The following MTMR10 variants were observed in gnomAD, a reference collection of about 807,000 sequenced individuals.
MTMR10 encodes the protein myotubularin related protein 10.
Under a neutral mutation model 88.1 loss-of-function variants are expected in MTMR10, and 56 were observed. That is an observed-to-expected ratio of 0.64 (90% CI 0.51 to 0.79). The LOEUF (loss-of-function observed/expected upper bound fraction) is 0.79. Ranked by LOEUF, MTMR10 falls within the 30% of genes least tolerant of loss-of-function variation. MTMR10 has a pLI of 0.00. For missense variants in MTMR10, 883 were observed against 924.7 expected (o/e 0.95, Z 0.58); for synonymous variants, 380 against 340.9 (o/e 1.11, Z -1.26).
At position 30,968,004 on chromosome 15, in the gene MTMR10, G is replaced by A; in HGVS notation, c.481C>T (p.Leu161Phe). 1.3e-6 allele frequency: 2 copies of A among 1,558,058 alleles called. No homozygotes were observed. Among genetic ancestry groups the A allele is most frequent in the Non-Finnish European group, 1.7e-6 (2 of 1,149,012 alleles). The change falls in exon 6 of 16, where the codon CTT becomes TTT. Residue 161 changes from leucine (L) to phenylalanine (F), a missense_variant. Around this residue, in one of 3 missense-constraint regions of MTMR10, gnomAD observed 414 missense variants for 423.2 expected, o/e 0.98. Coordinates refer to ENST00000435680, the MANE Select transcript of MTMR10 (RefSeq NM_017762.3). ...SGPESAKKVC[L>F]AIAHYSQPTD... ...GGCTGGGAATAATGAGCTATTGCAA[G>A]GCATACCTAGGAAAAATTCTACATT...
At chr15:30,927,815 G>C in the MTMR10 span, 13 of 985,776 alleles carry the variant, frequency 1.3e-5, no homozygotes, top group Non-Finnish European at 1.6e-5. Flanking sequence ...CAGGGACACA[G>C]GTCTGTGTGT....
chr15:30,983,300 AGAG>A (rs2030717649), intron 2 of MTMR10, among the ~76,000 whole-genome samples: 4 of 152,226 alleles, frequency 2.6e-5, no homozygotes, highest in Admixed American at 6.5e-5. Context: ...CTTCTAAATT[AGAG>A]GATGATGAGC....
intron 2 of MTMR10, among the ~76,000 whole-genome samples, chr15:30,983,130 C>A (rs1017105058): frequency 1.2e-4 from 18 of 152,184 alleles, no homozygotes. Context: ...GGCTGGCCTG[C>A]TTGTGAGAAC....
intron 2 of MTMR10, among the ~76,000 whole-genome samples, chr15:30,977,575 T>C (rs1452333823): frequency 6.6e-6 from 1 of 152,230 alleles, no homozygotes; most frequent in Non-Finnish European, 1.5e-5. Context: ...AGAATACTTT[T>C]CTACAATTTA....
At chr15:30,970,054 C>T (rs1010519932) in intron 5 of MTMR10, among the ~76,000 whole-genome samples, 5 of 152,130 alleles carry the variant, frequency 3.3e-5, no homozygotes, top group Non-Finnish European at 5.9e-5. Context: ...TGCTTTACTT[C>T]CAAGGTATTC....
intron 9 of MTMR10, among the ~76,000 whole-genome samples, chr15:30,955,626 G>A (rs912407306): frequency 6.6e-6 from 1 of 152,132 alleles, no homozygotes; most frequent in African/African-American, 2.4e-5. Context: ...ACACTTGCCT[G>A]GGAAACAGAA....
chr15:30,954,947 A>T (rs2063301245), intron 9 of MTMR10, 54 bp from the exon 10 acceptor site: 3 of 1,455,886 alleles, frequency 2.1e-6, no homozygotes, highest in Non-Finnish European at 1.9e-6. Context: ...GCATATATTT[A>T]TTTAACCCTT....
chr15:30,978,991 T>C (rs949234216), intron 2 of MTMR10, among the ~76,000 whole-genome samples: 1 of 152,152 alleles, frequency 6.6e-6, no homozygotes. Context: ...AATTCCCATA[T>C]CAGATTCTGG....
the MTMR10 span, among the ~76,000 whole-genome samples, chr15:30,929,990 TATC>T: frequency 1.9e-3 from 248 of 132,104 alleles, no homozygotes; most frequent in African/African-American, 3.4e-3. Flanking sequence ...ATATATAAGA[TATC>T]ATATATAATA....
At chr15:30,966,850 T>G (rs1011195492) in intron 6 of MTMR10, among the ~76,000 whole-genome samples, 2 of 142,464 alleles carry the variant, frequency 1.4e-5, no homozygotes, top group African/African-American at 5.1e-5. Context: ...TTATCTCTAC[T>G]GTATTTTCTT....
chr15:30,925,712 C>G, the MTMR10 span: 1 of 1,528,490 alleles, frequency 6.5e-7, no homozygotes, highest in Non-Finnish European at 8.9e-7. Flanking sequence ...GAGGTCAATC[C>G]TCACGATGCT....
Position 30,941,843 on chromosome 15 carries a change from A to G in MTMR10, c.1961T>C (p.Ile654Thr), listed in dbSNP as rs753900375. 8 of 1,613,986 alleles carry G rather than the reference A, an allele frequency of 5.0e-6. No homozygotes were observed. Among genetic ancestry groups the G allele is most frequent in the Admixed American group, 1.7e-5 (1 of 60,030 alleles). ...VILPRVSGTH[I>T]KLWKLCYFRW... ...GAAGTAGCACAGTTTCCACAGTTTT[A>G]TGTGTGTTCCAGAGACACGTGGCAG... The change falls in exon 16 of 16, where the codon ATA becomes ACA. Residue 654 changes from isoleucine (I) to threonine (T), a missense_variant. Ile to Thr is a moderately conservative substitution (Grantham distance 89, BLOSUM62 -1). Transcript: ENST00000435680.
chr15:30,978,986 C>A (rs1283801413), intron 2 of MTMR10, among the ~76,000 whole-genome samples: 1 of 151,986 alleles, frequency 6.6e-6, no homozygotes, highest in Non-Finnish European at 1.5e-5. Context: ...TCACCAATTC[C>A]CATATCAGAT....
the MTMR10 span, chr15:30,930,737 G>A: frequency 6.3e-6 from 10 of 1,577,690 alleles, no homozygotes; most frequent in Non-Finnish European, 8.6e-6. Context: ...GAGGCCACAA[G>A]TAGGCATTTC....
chr15:30,938,756 T>G (rs1287677122), downstream of MTMR10, among the ~76,000 whole-genome samples: 1 of 152,182 alleles, frequency 6.6e-6, no homozygotes, highest in East Asian at 1.9e-4. Context: ...TCTATCAATA[T>G]CCACATGGCT....
At position 30,942,058 on chromosome 15, in the gene MTMR10, G is replaced by T; in HGVS notation, c.1746C>A (p.Ser582=). 6.2e-7 allele frequency: 1 copy of T among 1,613,432 alleles called. No individual in the cohort carries two copies. The highest frequency in any genetic ancestry group is 1.1e-5 in the South Asian group (1 of 91,064). ...AGGCAGACGGCATTCCTCTTAGTGT[G>T]GAGCTGTAGCTTTTCTATACAGAAG... ...SFKRTKKSYS[S]TLRGMPSALK... The change falls in exon 16 of 16, where the codon TCC becomes TCA. Residue 582 remains serine, a synonymous_variant. Transcript: ENST00000435680.
downstream of MTMR10, among the ~76,000 whole-genome samples, chr15:30,938,507 A>G (rs2062931717): frequency 6.6e-6 from 1 of 152,054 alleles, no homozygotes; most frequent in Non-Finnish European, 1.5e-5. Context: ...CCTAATAACT[A>G]GATAGGGGTA....
At chr15:30,953,462 AG>A (rs1338555767) in intron 11 of MTMR10, 99 bp downstream of exon 11, 34 of 844,206 alleles carry the variant, frequency 4.0e-5, no homozygotes, top group Admixed American at 8.4e-5. Flanking sequence ...TTGGATGAAG[AG>A]TAAGTACATG....
rs566240308 is a variant in MTMR10 at position 30,955,555 on chromosome 15, C to A, written c.936-662G>T. Among the ~76,000 whole-genome samples, 3 of 152,308 alleles carry A rather than the reference C, an allele frequency of 2.0e-5. No homozygotes were observed. The South Asian group carries it at 6.2e-4, about 32-fold the overall frequency. On this transcript the variant is annotated intron_variant, in intron 9 of 15. Transcript: ENST00000435680. ...AAAGTGCTGGGATTACAGGCGTGAG[C>A]CACCGCGCCCGGGCTCATTCCCTTA...
Sources: gnomAD v4.1 joint callset for allele counts (sites outside exome capture counted in the v4.1 genomes callset) on GRCh38, gnomAD v4.1.1 for gene constraint, gnomAD v4.1.1 regional missense constraint, MANE v1.5 for transcripts, NCBI Gene and HGNC (gene_info 2026-07-23, HGNC 2026-07-21) for gene names.